The following GMDS variants were observed in gnomAD, a reference collection of about 807,000 sequenced individuals.
GMDS encodes the protein GDP-mannose 4,6 dehydratase.
A neutral mutation model predicts 49.9 loss-of-function variants in GMDS; 20 were observed. That is an observed-to-expected ratio of 0.40 (90% CI 0.28 to 0.58). The LOEUF is 0.58. Among genes scored for constraint, GMDS ranks in the 20% least tolerant of loss-of-function variants. The probability of loss-of-function intolerance (pLI) is 0.42; values close to 1 mark genes in which losing one functional copy is unlikely to be tolerated. For synonymous variants in GMDS, 177 were observed against 178.6 expected (o/e 0.99, Z 0.07); for missense variants, 362 against 481.4 (o/e 0.75, Z 2.32).
At position 1,961,243 on chromosome 6, in the gene GMDS, A is replaced by G. The variant is rs535708848; in HGVS notation, c.346-277T>C. Reference sequence around the variant, plus strand: ...GGCTGGAGTTCCTAGGGCATGGGTTATTATAGGGCAAACCCTATTCCTCAG... The same window carrying G: ...GGCTGGAGTTCCTAGGGCATGGGTTGTTATAGGGCAAACCCTATTCCTCAG... On this transcript the variant is annotated intron_variant, in intron 4 of 10. Transcript: ENST00000380815. 2.0e-5 allele frequency among the ~76,000 whole-genome samples: 3 copies of G among 152,322 alleles called. No individual in the cohort carries two copies. In the East Asian group the frequency reaches 5.8e-4, roughly 29 times the overall value.
chr6:2,152,709 A>G (rs367616621), intron 1 of GMDS, among the ~76,000 whole-genome samples: 30 of 152,278 alleles, frequency 2.0e-4, no homozygotes, highest in Admixed American at 7.8e-4. Flanking sequence ...ATTAAACAAC[A>G]AGTTACAAAA....
chr6:1,772,039 T>C (rs1221934415), intron 7 of GMDS, among the ~76,000 whole-genome samples: 1 of 152,232 alleles, frequency 6.6e-6, no homozygotes, highest in Non-Finnish European at 1.5e-5. Context: ...ACCTGTAGCC[T>C]TACTGAGGTC....
At chr6:1,852,657 A>G (rs768963160) in intron 7 of GMDS, among the ~76,000 whole-genome samples, 3 of 151,022 alleles carry the variant, frequency 2.0e-5, no homozygotes, top group Non-Finnish European at 4.4e-5. Flanking sequence ...AACTATCCTG[A>G]ACTATTTTTT....
At chr6:2,098,997 T>C (rs1773771210) in intron 4 of GMDS, among the ~76,000 whole-genome samples, 1 of 152,066 alleles carries the variant, frequency 6.6e-6, no homozygotes, top group Non-Finnish European at 1.5e-5. Flanking sequence ...TTTTAACTAT[T>C]TTTTTTCTGC....
chr6:2,146,647 T>C lies in GMDS; in HGVS notation c.103-21916A>G, dbSNP rs187363591. Among the ~76,000 whole-genome samples the C allele has an allele frequency of 5.7e-3, 865 of 152,322 alleles. 2 individuals carry two copies. The highest frequency in any genetic ancestry group is 0.017 in the Middle Eastern group (5 of 294). On this transcript the variant is annotated intron_variant, in intron 1 of 10. Transcript: ENST00000380815. Reference sequence around the variant, plus strand: ...TATAATTAACTTCTTTTGTACTCTGTATTCTTGCACACTCAAACAAGCTTT... The same window carrying C: ...TATAATTAACTTCTTTTGTACTCTGCATTCTTGCACACTCAAACAAGCTTT...
At chr6:2,217,816 G>T (rs1249595680) in intron 1 of GMDS, among the ~76,000 whole-genome samples, 4 of 152,288 alleles carry the variant, frequency 2.6e-5, no homozygotes, top group Admixed American at 1.3e-4. Flanking sequence ...AGCCCTGGAT[G>T]AACTGAGTTA....
intron 1 of GMDS, among the ~76,000 whole-genome samples, chr6:2,205,002 T>C (rs960417536): frequency 1.3e-5 from 2 of 152,234 alleles, no homozygotes; most frequent in Non-Finnish European, 2.9e-5. Context: ...TTTTCTAATA[T>C]TGAATTTTTT....
intron 9 of GMDS, among the ~76,000 whole-genome samples, chr6:1,672,100 T>C (rs961359451): frequency 2.0e-5 from 3 of 151,958 alleles, no homozygotes; most frequent in Non-Finnish European, 2.9e-5. Flanking sequence ...TACAAAAGAG[T>C]GTTTTTTCCT....
chr6:1,712,580 A>G (rs1159495121), intron 9 of GMDS, among the ~76,000 whole-genome samples: 1 of 152,248 alleles, frequency 6.6e-6, no homozygotes. Flanking sequence ...CATGGAGAGA[A>G]GACGCAGCAG....
In GMDS at chr6:1,705,955, G is replaced by A. The variant is rs150675680; in HGVS notation, c.987+20461C>T. Among the ~76,000 whole-genome samples the A allele has an allele frequency of 7.6e-4, 116 of 152,298 alleles. 2 individuals carry two copies. The East Asian group carries it at 0.02, about 26-fold the overall frequency. On this transcript the variant is annotated intron_variant, in intron 9 of 10. Coordinates refer to ENST00000380815, the MANE Select transcript of GMDS (RefSeq NM_001500.4). ...GGCCCTTGCAAGAACAGGTGCATCTGGGGGGCATTAAGCCCTGAAGAAGTT... is the reference window on the plus strand; with the variant it reads ...GGCCCTTGCAAGAACAGGTGCATCTAGGGGGCATTAAGCCCTGAAGAAGTT...
At chr6:1,626,071 G>A (rs897932940) in intron 9 of GMDS, 4 of 152,214 alleles carry the variant, frequency 2.6e-5, no homozygotes, top group African/African-American at 4.8e-5. Context: ...CATGATGGTC[G>A]AGAGGGCAGG....
At chr6:2,209,580 C>G (rs1161308588) in intron 1 of GMDS, among the ~76,000 whole-genome samples, 1 of 151,018 alleles carries the variant, frequency 6.6e-6, no homozygotes, top group Non-Finnish European at 1.5e-5. Flanking sequence ...TACACACACA[C>G]ACACACACAC....
intron 1 of GMDS, among the ~76,000 whole-genome samples, chr6:2,174,213 A>T (rs59370688): frequency 0.11 from 16,719 of 152,228 alleles, 3,037 homozygotes; most frequent in African/African-American, 0.38. Flanking sequence ...ATATAATCAA[A>T]TACACAATCT....
chr6:1,765,593 A>T (rs1768319228), intron 7 of GMDS, among the ~76,000 whole-genome samples: 2 of 152,202 alleles, frequency 1.3e-5, no homozygotes, highest in Admixed American at 6.5e-5. Context: ...AGATGGAGAA[A>T]CTGAGACATG....
chr6:1,802,621 T>G (rs1314818277), intron 7 of GMDS, among the ~76,000 whole-genome samples: 1 of 152,188 alleles, frequency 6.6e-6, no homozygotes, highest in East Asian at 1.9e-4. Context: ...CCGCTGTTGT[T>G]CGGCAGGAGG....
intron 4 of GMDS, among the ~76,000 whole-genome samples, chr6:2,103,517 A>G (rs1774045841): frequency 6.6e-6 from 1 of 152,198 alleles, no homozygotes; most frequent in Non-Finnish European, 1.5e-5. Context: ...ATGTTTTCCT[A>G]AACAATGTTA....
chr6:2,183,088 G>A (rs572360945), intron 1 of GMDS, among the ~76,000 whole-genome samples: 154 of 152,258 alleles, frequency 1.0e-3, no homozygotes, highest in Non-Finnish European at 1.9e-3. Flanking sequence ...GTACAAGGAG[G>A]TTAATATGTT....
At chr6:1,922,149 G>A (rs369667500) in intron 7 of GMDS, among the ~76,000 whole-genome samples, 3 of 152,266 alleles carry the variant, frequency 2.0e-5, no homozygotes, top group African/African-American at 7.2e-5. Flanking sequence ...AACTCCCCAG[G>A]TAAATATCCT....
At chr6:1,774,453 C>T (rs1274534045) in intron 7 of GMDS, among the ~76,000 whole-genome samples, 2 of 152,212 alleles carry the variant, frequency 1.3e-5, no homozygotes, top group African/African-American at 2.4e-5. Context: ...CATTCCTTCA[C>T]AGCTGCAGAT....
Sources: gnomAD v4.1 joint callset for allele counts (sites outside exome capture counted in the v4.1 genomes callset) on GRCh38, gnomAD v4.1.1 for gene constraint, MANE v1.5 for transcripts, NCBI Gene and HGNC (gene_info 2026-07-23, HGNC 2026-07-21) for gene names.